Variants in ATP6V0A2 observed in about 807,000 individuals in gnomAD.
The protein encoded by ATP6V0A2 is ATPase H+ transporting V0 subunit a2.
A neutral mutation model predicts 104.4 loss-of-function variants in ATP6V0A2; 58 were observed. The observed-to-expected ratio is 0.56, with a 90% CI of 0.45 to 0.69. The LOEUF (loss-of-function observed/expected upper bound fraction) is 0.69. Ranked by LOEUF, ATP6V0A2 falls within the 30% of genes least tolerant of loss-of-function variation. ATP6V0A2 has a pLI of 0.00. For synonymous variants in ATP6V0A2, 376 were observed against 397.9 expected (o/e 0.95, Z 0.65); for missense variants, 938 against 1,062.9 (o/e 0.88, Z 1.63).
chr12:123,712,808 G>C lies in ATP6V0A2; in HGVS notation c.117+126G>C, dbSNP rs575816220. The C allele has an allele frequency of 2.2e-5, 19 of 853,420 alleles. No individual in the cohort carries two copies. In the African/African-American group the frequency reaches 2.7e-4, roughly 12 times the overall value. The allele number at this position is 853,420 out of a possible 1,614,324, so 52.9% of individuals were successfully genotyped here. On this transcript the variant is annotated intron_variant, in intron 1 of 19. Coordinates refer to ENST00000330342, the MANE Select transcript of ATP6V0A2 (RefSeq NM_012463.4). Reference sequence around the variant, plus strand: ...CGCCCCGTCCCCATTGTCCAGACGGGGAAGATGACACCCCAGCTCAGCGGC... The same window carrying C: ...CGCCCCGTCCCCATTGTCCAGACGGCGAAGATGACACCCCAGCTCAGCGGC...
chr12:123,737,221 T>A lies in ATP6V0A2; in HGVS notation c.988T>A (p.Cys330Ser), dbSNP rs1435629624. The A allele has an allele frequency of 1.9e-6, 3 of 1,614,118 alleles. No homozygotes were observed. Among genetic ancestry groups the A allele is most frequent in the East Asian group, 2.2e-5 (1 of 44,882 alleles). The change falls in exon 9 of 20, where the codon TGT becomes AGT. Residue 330 changes from cysteine to serine, a missense_variant. By Grantham distance (112) the Cys-to-Ser change is moderately radical. Transcript: ENST00000330342. Reference protein sequence around the residue: ...TNKCLIAEVWCPEADLQDLRR... With the variant: ...TNKCLIAEVWSPEADLQDLRR... ...CAAGTGCCTCATTGCTGAGGTCTGG[T>A]GTCCCGAGGCGGATCTGCAGGACCT...
At chr12:123,738,378 G>A (rs1211900973) in intron 9 of ATP6V0A2, among the ~76,000 whole-genome samples, 2 of 149,928 alleles carry the variant, frequency 1.3e-5, no homozygotes, top group Admixed American at 6.6e-5. Context: ...TGGGCAACAA[G>A]AGCAAAACTT....
chr12:123,754,691 T>C (rs560577890), intron 18 of ATP6V0A2, 154 bp downstream of exon 18: 1 of 643,394 alleles, frequency 1.6e-6, no homozygotes, highest in Non-Finnish European at 2.8e-6. Flanking sequence ...AATACACAGC[T>C]CTCTTGGCTA....
At chr12:123,724,141 G>A (rs1466592328) in intron 3 of ATP6V0A2, 2 of 152,068 alleles carry the variant, frequency 1.3e-5, no homozygotes, top group African/African-American at 4.8e-5. Flanking sequence ...CCAAGCTGGA[G>A]TGCAGTGACA....
intron 9 of ATP6V0A2, among the ~76,000 whole-genome samples, chr12:123,743,310 G>T (rs1480996284): frequency 2.0e-5 from 3 of 152,154 alleles, no homozygotes; most frequent in Non-Finnish European, 4.4e-5. Context: ...TCTTGACCCT[G>T]TTGAGTGGAG....
intron 18 of ATP6V0A2, 49 bp from the exon 19 acceptor site, chr12:123,756,766 C>G: frequency 6.2e-7 from 1 of 1,604,860 alleles, no homozygotes; most frequent in Non-Finnish European, 8.5e-7. Context: ...ACAGAGGGAC[C>G]CACTGTACAT....
chr12:123,735,694 CT>C, intron 8 of ATP6V0A2, 70 bp downstream of exon 8: 2 of 1,251,614 alleles, frequency 1.6e-6, no homozygotes, highest in Non-Finnish European at 2.3e-6. Context: ...TATTTTCTCT[CT>C]TTTTTAACAT....
intron 7 of ATP6V0A2, among the ~76,000 whole-genome samples, chr12:123,735,062 T>C (rs7300818): frequency 0.66 from 100,423 of 151,678 alleles, 33,509 homozygotes; most frequent in East Asian, 0.89. Flanking sequence ...GCAGTCTGGG[T>C]GCCGAGTGGC....
At chr12:123,755,873 G>C (rs1276432614) in intron 18 of ATP6V0A2, among the ~76,000 whole-genome samples, 1 of 151,846 alleles carries the variant, frequency 6.6e-6, no homozygotes, top group East Asian at 1.9e-4. Flanking sequence ...ATGAGGTCAG[G>C]AGATCGAGAC....
chr12:123,722,280 T>A, intron 2 of ATP6V0A2, 71 bp from the exon 3 acceptor site: 2 of 1,023,088 alleles, frequency 2.0e-6, no homozygotes, highest in Non-Finnish European at 3.1e-6. Context: ...ACATTGGGCT[T>A]TAAAATGTTT....
intron 8 of ATP6V0A2, 24 bp downstream of exon 8, chr12:123,735,648 C>T (rs370095614): frequency 1.3e-6 from 2 of 1,571,728 alleles, no homozygotes; most frequent in African/African-American, 2.7e-5. Flanking sequence ...AAGTGGATTG[C>T]CTCTTTATCT....
At chr12:123,749,597 G>A (rs148316336) in intron 15 of ATP6V0A2, among the ~76,000 whole-genome samples, 1 of 152,314 alleles carries the variant, frequency 6.6e-6, no homozygotes, top group Non-Finnish European at 1.5e-5. Context: ...ATAGTATAGC[G>A]CACGTGTCCA....
intron 17 of ATP6V0A2, 96 bp from the exon 18 acceptor site, chr12:123,754,324 T>C: frequency 1.1e-6 from 1 of 948,738 alleles, no homozygotes; most frequent in Non-Finnish European, 1.7e-6. Flanking sequence ...AGCCGGCAGC[T>C]CTTTCATTGT....
chr12:123,726,667 G>A (rs1353035380), intron 5 of ATP6V0A2, among the ~76,000 whole-genome samples: 8 of 152,206 alleles, frequency 5.3e-5, no homozygotes, highest in Non-Finnish European at 8.8e-5. Flanking sequence ...TCCTGCTGCT[G>A]TTTATTCTTG....
At chr12:123,738,140 C>G (rs10846549) in intron 9 of ATP6V0A2, among the ~76,000 whole-genome samples, 91,519 of 151,610 alleles carry the variant, frequency 0.6, 28,230 homozygotes, top group East Asian at 0.95. Context: ...CACGGTGGCT[C>G]ACGCCTGTAA....
intron 2 of ATP6V0A2, among the ~76,000 whole-genome samples, chr12:123,720,592 G>A (rs1405460930): frequency 6.6e-6 from 1 of 152,192 alleles, no homozygotes; most frequent in African/African-American, 2.4e-5. Flanking sequence ...TACTCAGGAG[G>A]CTGAGGTGGG....
At chr12:123,747,162 T>A (rs1191150471) in intron 13 of ATP6V0A2, among the ~76,000 whole-genome samples, 1 of 152,184 alleles carries the variant, frequency 6.6e-6, no homozygotes, top group Non-Finnish European at 1.5e-5. Flanking sequence ...TATTCACAGC[T>A]AAACTTTATG....
rs1179003332 is a variant in ATP6V0A2 at position 123,744,997 on chromosome 12, G to A, written c.1605+25G>A. On this transcript the variant is annotated intron_variant, in intron 13 of 19. Coordinates refer to ENST00000330342, the MANE Select transcript of ATP6V0A2 (RefSeq NM_012463.4). This position sits in a 1 kb window ranked among gnomAD's most constrained non-coding sequence, Gnocchi z 5.4. Reference sequence around the variant, plus strand: ...TGTGAGTGCACCACGCTCTGTCGTTGTCTCTGGATGCTCTGTGGTGCCACC... The same window carrying A: ...TGTGAGTGCACCACGCTCTGTCGTTATCTCTGGATGCTCTGTGGTGCCACC... 6.2e-7 allele frequency: 1 copy of A among 1,607,892 alleles called. No individual in the cohort carries two copies. The highest frequency in any genetic ancestry group is 1.3e-5 in the African/African-American group (1 of 74,904).
intron 6 of ATP6V0A2, chr12:123,730,914 C>G (rs975097962): frequency 2.6e-5 from 4 of 152,120 alleles, no homozygotes; most frequent in Non-Finnish European, 4.4e-5. Context: ...ACCATGTTGG[C>G]TAGGCTGGCC....
Sources: gnomAD v4.1 joint callset for allele counts (sites outside exome capture counted in the v4.1 genomes callset) on GRCh38, gnomAD v4.1.1 for gene constraint, Gnocchi (gnomAD v3.1) non-coding constraint, MANE v1.5 for transcripts, NCBI Gene and HGNC (gene_info 2026-07-23, HGNC 2026-07-21) for gene names.